Variants in PTPN2 observed in about 807,000 individuals in gnomAD.
PTPN2 encodes protein tyrosine phosphatase non-receptor type 2.
In PTPN2, 19 loss-of-function variants were observed where a neutral mutation model predicts 57.3. The observed-to-expected ratio is 0.33, with a 90% confidence interval of 0.23 to 0.49. The LOEUF (loss-of-function observed/expected upper bound fraction) is 0.49. Ranked by LOEUF, PTPN2 falls within the 20% of genes least tolerant of loss-of-function variation. The probability of loss-of-function intolerance (pLI) is 0.99; values close to 1 mark genes in which losing one functional copy is unlikely to be tolerated. For synonymous variants in PTPN2, 153 were observed against 164.9 expected, an observed-to-expected ratio of 0.93 and a Z score of 0.55; for missense variants, 358 against 501.1, an observed-to-expected ratio of 0.71 and a Z score of 2.73.
At chr18:12,813,378 T>C (rs1243092437) in intron 7 of PTPN2, among the ~76,000 whole-genome samples, 1 of 152,252 alleles carries the variant, frequency 6.6e-6, no homozygotes. Context: ...TTGCGTATTT[T>C]GGCTCTGAGT....
chr18:12,797,971 C>A (rs1461733619), intron 8 of PTPN2, among the ~76,000 whole-genome samples: 4 of 152,140 alleles, frequency 2.6e-5, no homozygotes, highest in Admixed American at 1.3e-4. Flanking sequence ...AGTGATCCAC[C>A]CGCCTCAGCC....
chr18:12,854,507 G>A (rs1252138998), intron 2 of PTPN2, among the ~76,000 whole-genome samples: 1 of 152,182 alleles, frequency 6.6e-6, no homozygotes, highest in Non-Finnish European at 1.5e-5. Context: ...TATAAACATG[G>A]GGAAAAGGAG....
chr18:12,835,086 T>G (rs1278806272), intron 3 of PTPN2, among the ~76,000 whole-genome samples: 1 of 152,126 alleles, frequency 6.6e-6, no homozygotes, highest in Admixed American at 6.5e-5. Context: ...TGAAAAAAAT[T>G]TGCCTGTAAG....
intron 1 of PTPN2, among the ~76,000 whole-genome samples, chr18:12,873,521 C>G (rs527792229): frequency 6.6e-6 from 1 of 152,228 alleles, no homozygotes; most frequent in Non-Finnish European, 1.5e-5. Flanking sequence ...AGCTCCTAAC[C>G]GCGAGTGATC....
At chr18:12,870,176 A>C (rs62099360) in intron 1 of PTPN2, among the ~76,000 whole-genome samples, 4,467 of 148,792 alleles carry the variant, frequency 0.03, 101 homozygotes, top group South Asian at 0.099. Flanking sequence ...GGTGGTTACA[A>C]ATGAGAAAAC....
chr18:12,866,189 A>G (rs981568374), intron 1 of PTPN2, among the ~76,000 whole-genome samples: 2 of 152,236 alleles, frequency 1.3e-5, no homozygotes, highest in African/African-American at 2.4e-5. Flanking sequence ...CTGTAACCCT[A>G]GCACTTTGGG....
At chr18:12,853,085 G>A (rs1305928123) in intron 2 of PTPN2, among the ~76,000 whole-genome samples, 2 of 152,152 alleles carry the variant, frequency 1.3e-5, no homozygotes, top group African/African-American at 4.8e-5. Context: ...TATCAAACAT[G>A]TAGCTGGTTT....
intron 2 of PTPN2, among the ~76,000 whole-genome samples, chr18:12,847,392 AC>A (rs2043246451): frequency 6.6e-6 from 1 of 152,182 alleles, no homozygotes; most frequent in Admixed American, 6.5e-5. Flanking sequence ...TTTGGGCTTA[AC>A]ACAGGATAAA....
At chr18:12,816,283 G>A (rs1419071844) in intron 6 of PTPN2, among the ~76,000 whole-genome samples, 1 of 152,132 alleles carries the variant, frequency 6.6e-6, no homozygotes, top group Non-Finnish European at 1.5e-5. Flanking sequence ...CTGGGTGACA[G>A]GGCAAGACTC....
Position 12,817,241 on chromosome 18 carries a change from G to A in PTPN2, c.620C>T (p.Pro207Leu), listed in dbSNP as rs1295244418. Residue 207 changes from proline (P) to leucine (L), a missense_variant, in exon 6 of 9, where the codon CCT becomes CTT. Coordinates refer to ENST00000309660, the MANE Select transcript of PTPN2 (RefSeq NM_002828.4). ...FKVRESGSLN[P>L]DHGPAVIHCS... ...GTGGATCACCGCAGGCCCATGGTCA[G>A]GGTTCAAGGAGCCAGATTCTCTCAC... 3.1e-6 allele frequency: 5 copies of A among 1,614,182 alleles called. No individual in the cohort carries two copies. The South Asian group carries it at 4.4e-5, about 14-fold the overall frequency.
intron 6 of PTPN2, among the ~76,000 whole-genome samples, chr18:12,816,382 G>A (rs1259873498): frequency 2.6e-5 from 4 of 152,134 alleles, no homozygotes; most frequent in South Asian, 2.1e-4. Context: ...CTTAGAACAC[G>A]CTCAGAAAGC....
At chr18:12,822,399 C>T (rs754341996) in intron 5 of PTPN2, among the ~76,000 whole-genome samples, 1 of 152,146 alleles carries the variant, frequency 6.6e-6, no homozygotes, top group Non-Finnish European at 1.5e-5. Flanking sequence ...AAGACAAGTA[C>T]TCTAGATGAC....
intron 1 of PTPN2, among the ~76,000 whole-genome samples, chr18:12,875,894 T>C (rs1377589633): frequency 1.3e-5 from 2 of 152,082 alleles, no homozygotes; most frequent in African/African-American, 4.8e-5. Context: ...CTCTGCAGAG[T>C]AACTATCTGG....
At chr18:12,841,091 G>T in intron 2 of PTPN2, 1 of 914,130 alleles carries the variant, frequency 1.1e-6, no homozygotes, top group Non-Finnish European at 1.5e-6. Context: ...GTGACTCTGA[G>T]TACTGATACT....
chr18:12,870,310 CAT>C lies in PTPN2; in HGVS notation c.70-11058_70-11057del, dbSNP rs1338348193. Reference sequence around the variant, plus strand: ...ATATACATATATATGTGTATATATACATATATATGTGTATATATATGTATATA... The same window carrying C: ...ATATACATATATATGTGTATATATACATATATGTGTATATATATGTATATA... On this transcript the variant is annotated intron_variant, in intron 1 of 8. Transcript: ENST00000309660. 4.0e-4 allele frequency among the ~76,000 whole-genome samples: 23 copies of C among 57,518 alleles called. 3 individuals carry two copies. Among genetic ancestry groups the C allele is most frequent in the South Asian group, 2.2e-3 (5 of 2,228 alleles). The allele number at this position is 57,518 out of a possible 152,430, so 37.7% of individuals were successfully genotyped here. A position where few individuals can be genotyped will look rare whatever the true frequency, so the allele number is the denominator to read the frequency against.
intron 2 of PTPN2, 124 bp downstream of exon 2, chr18:12,859,040 T>C (rs1280649245): frequency 1.5e-5 from 9 of 594,708 alleles, no homozygotes; most frequent in African/African-American, 1.3e-4. Flanking sequence ...AGAACGTGTC[T>C]TACGTAAATA....
chr18:12,860,694 G>A (rs763226320), intron 1 of PTPN2, among the ~76,000 whole-genome samples: 4 of 152,132 alleles, frequency 2.6e-5, no homozygotes, highest in African/African-American at 7.2e-5. Flanking sequence ...CCCAGGAGGC[G>A]GAGGCTGCAG....
chr18:12,785,848 A>C (rs1711867619), intron 9 of PTPN2: 1 of 1,605,580 alleles, frequency 6.2e-7, no homozygotes, highest in South Asian at 1.1e-5. Flanking sequence ...TCTTGGCCTA[A>C]AACATAAAAT....
intron 8 of PTPN2, among the ~76,000 whole-genome samples, chr18:12,797,510 G>A (rs2145230972): frequency 6.6e-6 from 1 of 152,122 alleles, no homozygotes; most frequent in African/African-American, 2.4e-5. Context: ...ATGGAACAGA[G>A]GTTTTTGCTT....
Sources: allele counts gnomAD v4.1 joint callset (sites outside exome capture counted in the v4.1 genomes callset), GRCh38; gene constraint gnomAD v4.1.1; transcripts MANE v1.5; gene names NCBI Gene and HGNC (gene_info 2026-07-23, HGNC 2026-07-21).